The following AGBL4 variants were observed in gnomAD, a reference collection of about 807,000 sequenced individuals.
The protein encoded by AGBL4 is cytosolic carboxypeptidase 6.
AGBL4 carries 58 observed loss-of-function variants against 66.4 expected under a neutral mutation model. The ratio of observed to expected loss-of-function variants is 0.87; its 90% CI spans 0.71 to 1.09. The LOEUF (loss-of-function observed/expected upper bound fraction) is 1.09. Among genes scored for constraint, AGBL4 ranks in the 50% least tolerant of loss-of-function variants. The probability of loss-of-function intolerance (pLI) is 0.00; values close to 1 mark genes in which losing one functional copy is unlikely to be tolerated. For synonymous variants in AGBL4, 234 were observed against 222.9 expected (o/e 1.05, Z -0.44); for missense variants, 579 against 631.0 (o/e 0.92, Z 0.88).
At chr1:49,826,394 C>A (rs1162602346) in intron 2 of AGBL4, among the ~76,000 whole-genome samples, 1 of 152,300 alleles carries the variant, frequency 6.6e-6, no homozygotes, top group Non-Finnish European at 1.5e-5. Context: ...CAAATACAAA[C>A]CTTCTGTGAT....
intron 4 of AGBL4, among the ~76,000 whole-genome samples, chr1:49,142,349 C>G (rs903628774): frequency 1.3e-5 from 2 of 152,082 alleles, no homozygotes; most frequent in Non-Finnish European, 2.9e-5. Context: ...CAAAAAAAAA[C>G]TCAACATATA....
chr1:49,191,403 T>C (rs921153089), intron 4 of AGBL4, among the ~76,000 whole-genome samples: 1 of 152,222 alleles, frequency 6.6e-6, no homozygotes, highest in Admixed American at 6.5e-5. Context: ...TTCTCAATGC[T>C]GGCATACTAT....
intron 6 of AGBL4, among the ~76,000 whole-genome samples, chr1:48,778,854 C>G (rs754629098): frequency 1.3e-5 from 2 of 152,154 alleles, no homozygotes; most frequent in Non-Finnish European, 2.9e-5. Context: ...GCTCTCATAT[C>G]CAAATGTGTA....
chr1:49,249,058 T>C (rs1651853144), intron 3 of AGBL4, among the ~76,000 whole-genome samples: 1 of 152,160 alleles, frequency 6.6e-6, no homozygotes, highest in Non-Finnish European at 1.5e-5. Flanking sequence ...ATTCCAGGTA[T>C]AGGCCAAAGA....
chr1:49,976,609 C>G (rs944923746), intron 1 of AGBL4, among the ~76,000 whole-genome samples: 11 of 152,114 alleles, frequency 7.2e-5, no homozygotes, highest in African/African-American at 2.4e-4. Context: ...AATATCACAG[C>G]TTGAAAAGCT....
At chr1:49,141,439 T>C (rs1032702159) in intron 4 of AGBL4, among the ~76,000 whole-genome samples, 2 of 152,088 alleles carry the variant, frequency 1.3e-5, no homozygotes, top group African/African-American at 4.8e-5. Context: ...AGAATCTGAG[T>C]ATGCTCTGGA....
intron 4 of AGBL4, among the ~76,000 whole-genome samples, chr1:49,189,497 T>C (rs1351279396): frequency 2.0e-5 from 3 of 152,202 alleles, no homozygotes; most frequent in African/African-American, 7.2e-5. Context: ...CACCTTTAGC[T>C]CATTTGATCC....
intron 8 of AGBL4, among the ~76,000 whole-genome samples, chr1:48,644,445 ACT>A (rs1645803607): frequency 1.3e-5 from 2 of 151,976 alleles, no homozygotes; most frequent in South Asian, 4.2e-4. Flanking sequence ...TGGACTGTGA[ACT>A]CCTTAAGGGC....
intron 3 of AGBL4, among the ~76,000 whole-genome samples, chr1:49,654,066 G>A (rs543591236): frequency 8.7e-4 from 132 of 152,194 alleles, no homozygotes; most frequent in African/African-American, 3.1e-3. Context: ...TTTAAGGGCA[G>A]CCAGAGAGAA....
intron 5 of AGBL4, among the ~76,000 whole-genome samples, chr1:49,024,173 C>A (rs1045458963): frequency 1.3e-5 from 2 of 152,080 alleles, no homozygotes; most frequent in African/African-American, 2.4e-5. Context: ...GTTCCCAGCC[C>A]ATTTTTCATA....
chr1:49,107,558 A>G (rs927833113), intron 4 of AGBL4, among the ~76,000 whole-genome samples: 6 of 152,130 alleles, frequency 3.9e-5, no homozygotes, highest in Admixed American at 2.0e-4. Flanking sequence ...GCTGTAACAT[A>G]AAGTCCTTCC....
intron 3 of AGBL4, among the ~76,000 whole-genome samples, chr1:49,627,301 T>A (rs964472543): frequency 6.6e-6 from 1 of 152,128 alleles, no homozygotes; most frequent in African/African-American, 2.4e-5. Flanking sequence ...AAAATATTTT[T>A]AAATCTATAT....
chr1:49,316,929 T>G (rs1307242891), intron 3 of AGBL4, among the ~76,000 whole-genome samples: 1 of 151,818 alleles, frequency 6.6e-6, no homozygotes, highest in African/African-American at 2.4e-5. Context: ...AAACATTTAA[T>G]GTATAAAAAA....
chr1:49,100,474 T>C (rs993844392), intron 4 of AGBL4, among the ~76,000 whole-genome samples: 9 of 152,206 alleles, frequency 5.9e-5, no homozygotes, highest in African/African-American at 2.2e-4. Flanking sequence ...TGGTGCATCA[T>C]TGTGTCCACC....
chr1:48,939,933 A>T lies in AGBL4; in HGVS notation c.595-72703T>A, dbSNP rs150088706. Among the ~76,000 whole-genome samples, 16 of 152,344 alleles carry T rather than the reference A, an allele frequency of 1.1e-4. 1 individual carries two copies. The East Asian group carries it at 3.1e-3, about 29-fold the overall frequency. ...TAGGAGGAGGGTGCCACTGGCATCT[A>T]GTGGGTGGCCACAATGCTGCTAAAC... On this transcript the variant is annotated intron_variant, in intron 5 of 13. Transcript: ENST00000371839.
intron 4 of AGBL4, among the ~76,000 whole-genome samples, chr1:49,244,550 G>A (rs1337221160): frequency 6.6e-6 from 1 of 151,738 alleles, no homozygotes; most frequent in East Asian, 1.9e-4. Context: ...AAATTGCCAA[G>A]TATCATTTGG....
chr1:49,127,967 T>C (rs1557663555), intron 4 of AGBL4, among the ~76,000 whole-genome samples: 1 of 151,884 alleles, frequency 6.6e-6, no homozygotes, highest in Non-Finnish European at 1.5e-5. Context: ...AGTAGGGAAA[T>C]GTCAGCTATA....
intron 6 of AGBL4, among the ~76,000 whole-genome samples, chr1:48,826,423 A>G (rs1261327039): frequency 6.6e-6 from 1 of 152,214 alleles, no homozygotes; most frequent in East Asian, 1.9e-4. Context: ...CACATTAGCA[A>G]AACATGTATG....
At chr1:49,754,162 G>A (rs1651696774) in intron 2 of AGBL4, among the ~76,000 whole-genome samples, 1 of 151,920 alleles carries the variant, frequency 6.6e-6, no homozygotes, top group Non-Finnish European at 1.5e-5. Context: ...TCTGTTTTTT[G>A]GAATTTTCAG....
Sources: gnomAD v4.1 joint callset for allele counts (sites outside exome capture counted in the v4.1 genomes callset) on GRCh38, gnomAD v4.1.1 for gene constraint, MANE v1.5 for transcripts, NCBI Gene and HGNC (gene_info 2026-07-23, HGNC 2026-07-21) for gene names.